CDH12: variants seen among roughly 807,000 people sequenced by gnomAD.
CDH12 encodes cadherin 12.
Under a neutral mutation model 74.1 loss-of-function variants are expected in CDH12, and 41 were observed. The observed-to-expected ratio is 0.55, with a 90% CI of 0.43 to 0.72. CDH12 has a LOEUF of 0.72. Ranked by LOEUF, CDH12 falls within the 30% of genes least tolerant of loss-of-function variation. CDH12 has a pLI of 0.00. For missense variants in CDH12, 945 were observed against 977.2 expected, an observed-to-expected ratio of 0.97 and a Z score of 0.44; for synonymous variants, 399 against 355.0, an observed-to-expected ratio of 1.12 and a Z score of -1.39.
intron 3 of CDH12, among the ~76,000 whole-genome samples, chr5:22,260,584 G>A (rs1215556399): frequency 1.3e-5 from 2 of 151,900 alleles, no homozygotes; most frequent in Admixed American, 6.6e-5. Context: ...AATTTTCCTC[G>A]TTCTCTTTAG....
rs189897151 is a variant in CDH12, at chr5:22,497,873, C to G, written c.-428+7397G>C. On this transcript the variant is annotated intron_variant, in intron 2 of 14. Coordinates refer to ENST00000382254, the MANE Select transcript of CDH12 (RefSeq NM_004061.5). ...GGCTGGGCTGGTCTCAAACTCCTGA[C>G]CTCAAGTGATCCGCCCAACTCAGTC... Among the ~76,000 whole-genome samples the G allele has an allele frequency of 5.7e-4, 87 of 152,044 alleles. 1 individual carries two copies. The highest frequency in any genetic ancestry group is 2.0e-3 in the Admixed American group (30 of 15,250).
intron 6 of CDH12, among the ~76,000 whole-genome samples, chr5:21,911,639 CACG>C (rs1753864236): frequency 2.6e-5 from 4 of 152,060 alleles, no homozygotes; most frequent in African/African-American, 7.2e-5. Context: ...ACTAAGGATG[CACG>C]ACATTTTAAC....
intron 1 of CDH12, among the ~76,000 whole-genome samples, chr5:22,745,165 A>C (rs1425579768): frequency 6.6e-6 from 1 of 152,096 alleles, no homozygotes; most frequent in African/African-American, 2.4e-5. Flanking sequence ...AAATCACGTC[A>C]TTCTTCAAAT....
At chr5:22,181,152 A>G (rs1749623926) in intron 4 of CDH12, among the ~76,000 whole-genome samples, 1 of 151,990 alleles carries the variant, frequency 6.6e-6, no homozygotes, top group Non-Finnish European at 1.5e-5. Flanking sequence ...TTTCTCTCCC[A>G]CTAACATTTG....
At chr5:22,452,696 A>C (rs1205167012) in intron 2 of CDH12, among the ~76,000 whole-genome samples, 1 of 151,816 alleles carries the variant, frequency 6.6e-6, no homozygotes, top group Non-Finnish European at 1.5e-5. Context: ...CAAAAACACC[A>C]GCAACTGAAG....
intron 3 of CDH12, among the ~76,000 whole-genome samples, chr5:22,373,858 A>C (rs62348975): frequency 6.6e-6 from 1 of 152,244 alleles, no homozygotes; most frequent in African/African-American, 2.4e-5. Context: ...GCAGACATCA[A>C]TGTAAGGTCA....
intron 2 of CDH12, among the ~76,000 whole-genome samples, chr5:22,501,019 A>G (rs1747309749): frequency 6.6e-6 from 1 of 152,122 alleles, no homozygotes; most frequent in South Asian, 2.1e-4. Context: ...AATAACCTGC[A>G]TTGTGACCTA....
chr5:22,143,513 T>C (rs1746950995), intron 4 of CDH12: 1 of 151,776 alleles, frequency 6.6e-6, no homozygotes, highest in Non-Finnish European at 1.5e-5. Context: ...GGATTACAGG[T>C]GCCCACCACC....
At chr5:22,577,905 T>G (rs560199696) in intron 1 of CDH12, among the ~76,000 whole-genome samples, 45 of 152,328 alleles carry the variant, frequency 3.0e-4, no homozygotes, top group African/African-American at 1.0e-3. Context: ...ACATAAATTA[T>G]AGCTAGAAAA....
chr5:22,583,487 T>C (rs947763297), intron 1 of CDH12, among the ~76,000 whole-genome samples: 10 of 152,324 alleles, frequency 6.6e-5, no homozygotes, highest in Middle Eastern at 3.4e-3. Flanking sequence ...TTAACGACTA[T>C]GGTGAATTTG....
intron 4 of CDH12, among the ~76,000 whole-genome samples, chr5:22,204,176 G>GT (rs1172824728): frequency 9.3e-5 from 13 of 139,654 alleles, no homozygotes; most frequent in South Asian, 4.4e-4. Flanking sequence ...TTTTTTTTTT[G>GT]TTTTTTGTTT....
chr5:22,717,410 G>A (rs1448976747), intron 1 of CDH12, among the ~76,000 whole-genome samples: 1 of 152,170 alleles, frequency 6.6e-6, no homozygotes, highest in African/African-American at 2.4e-5. Context: ...TAGGTGTGTA[G>A]TAGGCTGTAC....
intron 5 of CDH12, among the ~76,000 whole-genome samples, chr5:22,042,987 C>T (rs914723314): frequency 6.6e-6 from 1 of 151,450 alleles, no homozygotes; most frequent in South Asian, 2.1e-4. Context: ...AGCCTAGGAC[C>T]TGAAGTTTTT....
At chr5:22,679,437 CTTTAA>C (rs1365850892) in intron 1 of CDH12, among the ~76,000 whole-genome samples, 2 of 151,886 alleles carry the variant, frequency 1.3e-5, no homozygotes, top group Non-Finnish European at 2.9e-5. Context: ...TGATGTCAAC[CTTTAA>C]TTTGTCTTTT....
chr5:22,381,664 T>C (rs1741763586), intron 3 of CDH12, among the ~76,000 whole-genome samples: 1 of 152,132 alleles, frequency 6.6e-6, no homozygotes, highest in East Asian at 1.9e-4. Context: ...GTGGAGACTA[T>C]AATACTCTAT....
intron 4 of CDH12, among the ~76,000 whole-genome samples, chr5:22,178,416 T>A (rs2150335260): frequency 6.6e-6 from 1 of 152,250 alleles, no homozygotes; most frequent in African/African-American, 2.4e-5. Context: ...TTGCAGAAAA[T>A]TTACTTTTGA....
Position 21,765,070 on chromosome 5 carries a change from T to G in CDH12, c.1423A>C (p.Ile475Leu). ...SNPLLTSKVN[I>L]LINVLDVNEF... Reference sequence around the variant, plus strand: ...TTTACATCTAAGACATTAATCAGTATATTGACTTTGCTGGTCAATAAAGGG... The same window carrying G: ...TTTACATCTAAGACATTAATCAGTAGATTGACTTTGCTGGTCAATAAAGGG... The change falls in exon 12 of 15, where the codon ATA (isoleucine) becomes CTA (leucine). Residue 475 changes from isoleucine (I) to leucine (L), a missense_variant. Coordinates refer to ENST00000382254, the MANE Select transcript of CDH12 (RefSeq NM_004061.5). 1 of 1,600,022 alleles carries G rather than the reference T, an allele frequency of 6.2e-7. No homozygotes were observed. The highest frequency in any genetic ancestry group is 8.5e-7 in the Non-Finnish European group (1 of 1,173,628).
chr5:21,876,419 C>A (rs1423936493), intron 6 of CDH12, among the ~76,000 whole-genome samples: 2 of 152,166 alleles, frequency 1.3e-5, no homozygotes, highest in Non-Finnish European at 1.5e-5. Context: ...GTGACTAAAT[C>A]CTGACCATCA....
intron 3 of CDH12, among the ~76,000 whole-genome samples, chr5:22,300,372 C>G (rs1040765365): frequency 1.3e-5 from 2 of 152,148 alleles, no homozygotes; most frequent in African/African-American, 4.8e-5. Context: ...TTTAAAAAGA[C>G]TGTCTAATAT....
Sources: allele counts gnomAD v4.1 joint callset (sites outside exome capture counted in the v4.1 genomes callset), GRCh38; gene constraint gnomAD v4.1.1; transcripts MANE v1.5; gene names NCBI Gene and HGNC (gene_info 2026-07-23, HGNC 2026-07-21).